The following RIN2 variants were observed in gnomAD, a reference collection of about 807,000 sequenced individuals.
RIN2 encodes the protein RAB5 interacting protein 2.
Under a neutral mutation model 78.0 loss-of-function variants are expected in RIN2, and 36 were observed. The ratio of observed to expected loss-of-function variants is 0.46; its 90% CI spans 0.35 to 0.61. The LOEUF (loss-of-function observed/expected upper bound fraction) is 0.61, where lower values mean the gene tolerates loss of function less well. RIN2 is among the 20% of genes least tolerant of loss of function. The pLI is 0.00. For synonymous variants in RIN2, 466 were observed against 466.8 expected (o/e 1.00, Z 0.02); for missense variants, 1,087 against 1,159.7 (o/e 0.94, Z 0.91).
intron 5 of RIN2, among the ~76,000 whole-genome samples, 163 bp downstream of exon 5, chr20:19,956,970 G>T (rs1190509194): frequency 6.6e-6 from 1 of 152,192 alleles, no homozygotes; most frequent in Non-Finnish European, 1.5e-5. Flanking sequence ...GTAAACCCAG[G>T]AACAGAGCCC....
At chr20:19,808,202 T>C (rs1349072199) in intron 2 of RIN2, among the ~76,000 whole-genome samples, 1 of 152,242 alleles carries the variant, frequency 6.6e-6, no homozygotes, top group Non-Finnish European at 1.5e-5. Flanking sequence ...GCCGTTAAGA[T>C]GCCTGCATGC....
At chr20:19,926,376 GCAT>G (rs1347203149) in intron 3 of RIN2, among the ~76,000 whole-genome samples, 1 of 152,108 alleles carries the variant, frequency 6.6e-6, no homozygotes, top group Non-Finnish European at 1.5e-5. Flanking sequence ...AGGTGTGCTT[GCAT>G]CATTGTCCAG....
At chr20:19,779,405 G>C (rs1425786842) in intron 1 of RIN2, among the ~76,000 whole-genome samples, 2 of 152,166 alleles carry the variant, frequency 1.3e-5, no homozygotes, top group African/African-American at 4.8e-5. Context: ...CCCTGGGCTG[G>C]GCATCCCAGA....
intron 2 of RIN2, among the ~76,000 whole-genome samples, chr20:19,846,796 C>T (rs375953886): frequency 1.8e-4 from 27 of 152,198 alleles, no homozygotes; most frequent in African/African-American, 5.5e-4. Context: ...TGTCTTGTGC[C>T]GGTTTTCAAA....
chr20:19,812,797 G>T (rs992147700), intron 2 of RIN2, among the ~76,000 whole-genome samples: 1 of 152,174 alleles, frequency 6.6e-6, no homozygotes, highest in African/African-American at 2.4e-5. Flanking sequence ...TCATTGTCTG[G>T]TAATAATACT....
At chr20:19,877,297 AC>A (rs2037888303) in intron 2 of RIN2, among the ~76,000 whole-genome samples, 1 of 152,158 alleles carries the variant, frequency 6.6e-6, no homozygotes, top group Non-Finnish European at 1.5e-5. Flanking sequence ...TCATAACATT[AC>A]CCCAGCCCCA....
At chr20:19,944,963 G>A (rs1023086894) in intron 4 of RIN2, among the ~76,000 whole-genome samples, 2 of 152,136 alleles carry the variant, frequency 1.3e-5, no homozygotes, top group African/African-American at 4.8e-5. Flanking sequence ...ATTAGAAGAC[G>A]GTAAGAAGTC....
intron 2 of RIN2, among the ~76,000 whole-genome samples, chr20:19,848,196 C>T (rs1327742389): frequency 1.3e-5 from 2 of 152,034 alleles, no homozygotes; most frequent in Non-Finnish European, 2.9e-5. Flanking sequence ...GATATGTGTA[C>T]TTTTCATGTA....
chr20:19,970,400 G>A (rs943595143), intron 7 of RIN2, among the ~76,000 whole-genome samples: 1 of 152,238 alleles, frequency 6.6e-6, no homozygotes, highest in Non-Finnish European at 1.5e-5. Flanking sequence ...AGAGCCTGCA[G>A]TGTGCAAGGC....
At chr20:19,837,285 A>G (rs34800442) in intron 2 of RIN2, among the ~76,000 whole-genome samples, 14,936 of 151,718 alleles carry the variant, frequency 0.098, 1,173 homozygotes, top group African/African-American at 0.21. Context: ...ATAGCAGCAA[A>G]AAGGAAATAA....
intron 4 of RIN2, among the ~76,000 whole-genome samples, chr20:19,943,662 A>G (rs2040971491): frequency 6.6e-6 from 1 of 152,216 alleles, no homozygotes; most frequent in African/African-American, 2.4e-5. Context: ...ACCTAGGACC[A>G]GTTTTATCAA....
chr20:19,959,103 A>G (rs1331068911), intron 5 of RIN2, among the ~76,000 whole-genome samples: 1 of 152,230 alleles, frequency 6.6e-6, no homozygotes, highest in Non-Finnish European at 1.5e-5. Flanking sequence ...CAACTACTCA[A>G]CTACACTATT....
At chr20:19,835,978 G>T (rs1243075648) in intron 2 of RIN2, among the ~76,000 whole-genome samples, 1 of 152,170 alleles carries the variant, frequency 6.6e-6, no homozygotes, top group Non-Finnish European at 1.5e-5. Flanking sequence ...CTAGGACCGG[G>T]ACTGGCTGCC....
In RIN2 at chr20:19,956,667, T is replaced by G; in HGVS notation, c.211T>G (p.Cys71Gly). ...TTCCGAGGAAGAGGACGTGAAGACC[T>G]GTGCCCGGGACTCAGGCTATGACAG... ...GYSEEEDVKT[C>G]ARDSGYDSLS... Residue 71 changes from cysteine (C) to glycine (G), a missense_variant, in exon 5 of 13, where the codon TGT becomes GGT. This residue lies in a region of RIN2 where 706 missense variants were observed against 667.5 expected (regional missense o/e 1.06). Transcript: ENST00000255006. The G allele has an allele frequency of 6.2e-7, 1 of 1,613,336 alleles. No homozygotes were observed.
At chr20:19,826,597 A>G (rs77581447) in intron 2 of RIN2, among the ~76,000 whole-genome samples, 2 of 152,212 alleles carry the variant, frequency 1.3e-5, no homozygotes, top group Non-Finnish European at 2.9e-5. Flanking sequence ...AAGGCAGTAC[A>G]TGAATGACTG....
At chr20:19,994,292 G>A (rs1037060106) in intron 11 of RIN2, among the ~76,000 whole-genome samples, 1 of 152,248 alleles carries the variant, frequency 6.6e-6, no homozygotes, top group African/African-American at 2.4e-5. Context: ...AAGCTATGCA[G>A]CCTGGGAGGA....
chr20:19,861,802 T>A (rs2037350019), intron 2 of RIN2, among the ~76,000 whole-genome samples: 1 of 150,308 alleles, frequency 6.7e-6, no homozygotes, highest in Admixed American at 6.6e-5. Context: ...TCACCCTCCA[T>A]ATCTAATGAT....
chr20:19,839,449 AG>A (rs1389354891), intron 2 of RIN2, among the ~76,000 whole-genome samples: 1 of 152,218 alleles, frequency 6.6e-6, no homozygotes, highest in Non-Finnish European at 1.5e-5. Flanking sequence ...AAACTCGATG[AG>A]GTTCCATAAC....
At chr20:19,762,366 G>GT (rs1399711692) in intron 1 of RIN2, among the ~76,000 whole-genome samples, 9 of 152,210 alleles carry the variant, frequency 5.9e-5, no homozygotes, top group Non-Finnish European at 1.3e-4. Flanking sequence ...TTGTGGGCTA[G>GT]TGGAGGAGCC....
Sources: gnomAD v4.1 joint callset for allele counts (sites outside exome capture counted in the v4.1 genomes callset) on GRCh38, gnomAD v4.1.1 for gene constraint, gnomAD v4.1.1 regional missense constraint, MANE v1.5 for transcripts, NCBI Gene and HGNC (gene_info 2026-07-23, HGNC 2026-07-21) for gene names.